The following PIK3C2G variants were observed in gnomAD, a reference collection of about 807,000 sequenced individuals.
The protein encoded by PIK3C2G is phosphatidylinositol 3-kinase C2 domain-containing subunit gamma.
In PIK3C2G, 168 loss-of-function variants were observed where a neutral mutation model predicts 181.1. That is an observed-to-expected ratio of 0.93 (90% confidence interval 0.82 to 1.05). PIK3C2G has a LOEUF of 1.05. PIK3C2G is among the 50% of genes least tolerant of loss of function. The pLI is 0.00. For missense variants in PIK3C2G, 1,869 were observed against 1,732.8 expected (o/e 1.08, Z -1.40); for synonymous variants, 573 against 592.2 (o/e 0.97, Z 0.47).
At chr12:18,681,527 T>C in the PIK3C2G span, among the ~76,000 whole-genome samples, 1 of 152,078 alleles carries the variant, frequency 6.6e-6, no homozygotes, top group Non-Finnish European at 1.5e-5. Context: ...GAATAAAATC[T>C]GTTAATAGTT....
At position 18,635,216 on chromosome 12, in the gene PIK3C2G, C is replaced by G. The variant is rs115907456; in HGVS notation, c.4183-5213C>G. Among the ~76,000 whole-genome samples, 587 of 152,296 alleles carry G rather than the reference C, an allele frequency of 3.9e-3. 4 individuals are homozygous for G. The highest frequency in any genetic ancestry group is 0.014 in the African/African-American group (564 of 41,558). On this transcript the variant is annotated intron_variant, in intron 31 of 32. Transcript: ENST00000538779. ...CCAGGCCTCATCTTTCTTTCTCTTC[C>G]TCTGTCAACTGACCGCAGGGAACTC...
chr12:18,481,002 G>A (rs565142348), intron 18 of PIK3C2G, among the ~76,000 whole-genome samples: 4 of 151,930 alleles, frequency 2.6e-5, no homozygotes, highest in Admixed American at 2.0e-4. Context: ...GCGCAATCTC[G>A]GCTCACTGCA....
intron 22 of PIK3C2G, among the ~76,000 whole-genome samples, chr12:18,498,567 ATT>A (rs11390476): frequency 2.0e-5 from 3 of 148,018 alleles, no homozygotes. Flanking sequence ...CCATGTAGTC[ATT>A]TTTTTTTTTT....
At chr12:18,504,281 T>G (rs1565457297) in intron 23 of PIK3C2G, among the ~76,000 whole-genome samples, 1 of 152,146 alleles carries the variant, frequency 6.6e-6, no homozygotes. Context: ...GGCCAAATAA[T>G]AAATAATTAG....
intron 26 of PIK3C2G, among the ~76,000 whole-genome samples, chr12:18,548,973 T>C (rs967801911): frequency 8.5e-5 from 13 of 152,054 alleles, no homozygotes; most frequent in Admixed American, 2.6e-4. Context: ...CATTCCTGCA[T>C]TGTCTGTTTA....
At chr12:18,273,617 C>T (rs1948839424) in intron 1 of PIK3C2G, among the ~76,000 whole-genome samples, 1 of 152,074 alleles carries the variant, frequency 6.6e-6, no homozygotes, top group African/African-American at 2.4e-5. Context: ...AAAGCTGAAA[C>T]TGGATCCCTT....
intron 24 of PIK3C2G, among the ~76,000 whole-genome samples, chr12:18,508,366 A>C (rs1941980803): frequency 6.6e-6 from 1 of 152,104 alleles, no homozygotes; most frequent in South Asian, 2.1e-4. Flanking sequence ...TCTCCTCCTA[A>C]GCTCTTTCAG....
At chr12:18,398,621 C>T (rs977370214) in intron 15 of PIK3C2G, among the ~76,000 whole-genome samples, 1 of 152,120 alleles carries the variant, frequency 6.6e-6, no homozygotes, top group Non-Finnish European at 1.5e-5. Context: ...GTTCTGAATA[C>T]TTCTACTGGA....
chr12:18,303,325 T>TTC (rs199849468), intron 5 of PIK3C2G, among the ~76,000 whole-genome samples: 4 of 145,888 alleles, frequency 2.7e-5, no homozygotes, highest in South Asian at 2.1e-4. Context: ...CTTTCTCTCT[T>TTC]TCTCTCTCTC....
In PIK3C2G at chr12:18,640,425, G is replaced by A. The variant is rs183183784; in HGVS notation, c.4183-4G>A. 418 of 1,606,544 alleles carry A rather than the reference G, an allele frequency of 2.6e-4. No homozygotes were observed. Among genetic ancestry groups the A allele is most frequent in the Non-Finnish European group, 3.4e-4 (405 of 1,175,952 alleles). On this transcript the variant is annotated splice_region_variant and splice_polypyrimidine_tract_variant and intron_variant, in intron 31 of 32. Coordinates refer to ENST00000538779, the MANE Select transcript of PIK3C2G (RefSeq NM_001288772.2). ...TTAATATTTATAACCATTTTCCTTT[G>A]CAGCATCTCCCAGATGGCTCTGCGC...
At chr12:18,594,602 G>T (rs1253975550) in intron 30 of PIK3C2G, 33 bp downstream of exon 30, 4 of 1,074,338 alleles carry the variant, frequency 3.7e-6, no homozygotes, top group Middle Eastern at 4.2e-4. Flanking sequence ...TACGTACAGT[G>T]ATTTTCAAAA....
chr12:18,303,115 C>CCT, intron 5 of PIK3C2G, among the ~76,000 whole-genome samples: 1 of 136,724 alleles, frequency 7.3e-6, no homozygotes, highest in Admixed American at 7.4e-5. Flanking sequence ...TCTTTCTTTC[C>CCT]TTCTTTCTTT....
At chr12:18,308,987 A>G (rs1364219866) in intron 5 of PIK3C2G, among the ~76,000 whole-genome samples, 1 of 151,706 alleles carries the variant, frequency 6.6e-6, no homozygotes, top group East Asian at 1.9e-4. Flanking sequence ...GGAAGTATAT[A>G]AAGAAAATTT....
rs569565879 is a variant in PIK3C2G at position 18,451,994 on chromosome 12, C to T, written c.2504+27955C>T. Among the ~76,000 whole-genome samples, 65 of 152,274 alleles carry T rather than the reference C, an allele frequency of 4.3e-4. 3 individuals are homozygous for T. In the South Asian group the frequency reaches 0.012, roughly 28 times the overall value. On this transcript the variant is annotated intron_variant, in intron 18 of 32. Transcript: ENST00000538779. Reference sequence around the variant, plus strand: ...TTGCCAGTATTCTACTGAGGATTTTCACATTGACGTTCATCAGGGATATTG... The same window carrying T: ...TTGCCAGTATTCTACTGAGGATTTTTACATTGACGTTCATCAGGGATATTG...
At chr12:18,386,797 G>A (rs1943197631) in intron 14 of PIK3C2G, among the ~76,000 whole-genome samples, 1 of 151,994 alleles carries the variant, frequency 6.6e-6, no homozygotes, top group Non-Finnish European at 1.5e-5. Context: ...ACATGTTTTT[G>A]TGTGAACATA....
At chr12:18,718,633 C>T in the PIK3C2G span, among the ~76,000 whole-genome samples, 1 of 152,132 alleles carries the variant, frequency 6.6e-6, no homozygotes, top group Non-Finnish European at 1.5e-5. Context: ...CATGCCACAA[C>T]TATTTCTTTT....
intron 10 of PIK3C2G, among the ~76,000 whole-genome samples, chr12:18,344,636 G>A (rs1939486784): frequency 6.6e-6 from 1 of 152,082 alleles, no homozygotes; most frequent in Admixed American, 6.6e-5. Context: ...ACTGGAATAT[G>A]AGATCCCACA....
chr12:18,342,997 G>A (rs1038795908), intron 9 of PIK3C2G, among the ~76,000 whole-genome samples: 1 of 151,926 alleles, frequency 6.6e-6, no homozygotes, highest in Non-Finnish European at 1.5e-5. Context: ...AGCTGGACAC[G>A]GCATACAGAG....
At chr12:18,599,187 A>G (rs1406387252) in intron 30 of PIK3C2G, among the ~76,000 whole-genome samples, 1 of 152,332 alleles carries the variant, frequency 6.6e-6, no homozygotes. Flanking sequence ...TGCTCTAAAG[A>G]CACATGCACA....
Sources: gnomAD v4.1 joint callset for allele counts (sites outside exome capture counted in the v4.1 genomes callset) on GRCh38, gnomAD v4.1.1 for gene constraint, MANE v1.5 for transcripts, NCBI Gene and HGNC (gene_info 2026-07-23, HGNC 2026-07-21) for gene names.